KIAA0232: variants seen among roughly 807,000 people sequenced by gnomAD.
KIAA0232 encodes KIAA0232, also known as uncharacterized protein KIAA0232.
KIAA0232 carries 27 observed loss-of-function variants against 122.0 expected under a neutral mutation model. The observed-to-expected ratio is 0.22, with a 90% CI of 0.16 to 0.31. KIAA0232 has a LOEUF of 0.31. Ranked by LOEUF, KIAA0232 falls within the 10% of genes least tolerant of loss-of-function variation. The probability of loss-of-function intolerance (pLI) is 1.00; values close to 1 mark genes in which losing one functional copy is unlikely to be tolerated. For missense variants in KIAA0232, 1,551 were observed against 1,634.2 expected (o/e 0.95, Z 0.88); for synonymous variants, 613 against 587.6 (o/e 1.04, Z -0.63).
intron 2 of KIAA0232, among the ~76,000 whole-genome samples, chr4:6,811,923 T>C (rs1166247216): frequency 6.6e-6 from 1 of 152,158 alleles, no homozygotes; most frequent in Non-Finnish European, 1.5e-5. Context: ...AGGCTTTAGT[T>C]GTTCTTGTTA....
In KIAA0232 at chr4:6,855,597, A is replaced by C. The variant is rs1720530398; in HGVS notation, c.370-1567A>C. On this transcript the variant is annotated intron_variant, in intron 4 of 9. Coordinates refer to ENST00000307659, the MANE Select transcript of KIAA0232 (RefSeq NM_014743.3). The surrounding 1 kb of genome is among the most constrained non-coding windows in gnomAD (Gnocchi z 4.3). The stretch of plus-strand genomic sequence containing the variant: ...ATACATATTTACTCATATATTAATA[A>C]ATATATGTGTGTATATGTAATTAAT... 6.6e-6 allele frequency among the ~76,000 whole-genome samples: 1 copy of C among 152,134 alleles called. No homozygotes were observed. Among genetic ancestry groups the C allele is most frequent in the African/African-American group, 2.4e-5 (1 of 41,430 alleles).
chr4:6,807,578 C>T (rs917328601), intron 2 of KIAA0232, among the ~76,000 whole-genome samples: 4 of 152,166 alleles, frequency 2.6e-5, no homozygotes, highest in South Asian at 4.1e-4. Context: ...TCCATTTCTA[C>T]GTAGCTTTTC....
At chr4:6,853,034 A>G (rs1023335800) in intron 4 of KIAA0232, among the ~76,000 whole-genome samples, 1 of 152,200 alleles carries the variant, frequency 6.6e-6, no homozygotes, top group African/African-American at 2.4e-5. Context: ...GATTAAGTAG[A>G]CAGCTTCTGG....
chr4:6,792,664 A>G (rs1165904886), intron 1 of KIAA0232, among the ~76,000 whole-genome samples: 1 of 147,746 alleles, frequency 6.8e-6, no homozygotes, highest in African/African-American at 2.5e-5. Context: ...CTGCTGTTGT[A>G]GTCTTGATAG....
chr4:6,792,341 G>T (rs1025606293), intron 1 of KIAA0232, among the ~76,000 whole-genome samples: 2 of 152,008 alleles, frequency 1.3e-5, no homozygotes, highest in African/African-American at 4.8e-5. Flanking sequence ...TTGTACATAT[G>T]TCTTAGTGAA....
chr4:6,791,992 C>T (rs1278849617), intron 1 of KIAA0232, among the ~76,000 whole-genome samples: 1 of 152,150 alleles, frequency 6.6e-6, no homozygotes, highest in Non-Finnish European at 1.5e-5. Context: ...AGTTTCCCTG[C>T]ATAATCTCTC....
chr4:6,863,414 A>G lies in KIAA0232; in HGVS notation c.3032A>G (p.Lys1011Arg). The G allele has an allele frequency of 6.2e-7, 1 of 1,614,084 alleles. No homozygotes were observed. Among genetic ancestry groups the G allele is most frequent in the Non-Finnish European group, 8.5e-7 (1 of 1,180,020 alleles). Reference sequence around the variant, plus strand: ...AAGAGTGGGGAAAATGGGTTAAATAAGGGATTTTCTTTTATCTTCCATGAA... The same window carrying G: ...AAGAGTGGGGAAAATGGGTTAAATAGGGGATTTTCTTTTATCTTCCATGAA... ...QPKSGENGLN[K>R]GFSFIFHEDL... The change falls in exon 7 of 10, where the codon AAG becomes AGG. Residue 1011 changes from lysine (K) to arginine (R), a missense_variant. Coordinates refer to ENST00000307659, the MANE Select transcript of KIAA0232 (RefSeq NM_014743.3).
intron 3 of KIAA0232, among the ~76,000 whole-genome samples, chr4:6,825,328 AT>A (rs1469193419): frequency 2.0e-5 from 3 of 152,070 alleles, no homozygotes; most frequent in Non-Finnish European, 4.4e-5. Context: ...AGGCGGGAGG[AT>A]CCCTTTAAAC....
At chr4:6,875,021 C>T (rs1560212483) in intron 8 of KIAA0232, among the ~76,000 whole-genome samples, 1 of 152,210 alleles carries the variant, frequency 6.6e-6, no homozygotes, top group Non-Finnish European at 1.5e-5. Flanking sequence ...ACTCCATGCC[C>T]CTCAGCCAGT....
intron 3 of KIAA0232, among the ~76,000 whole-genome samples, chr4:6,829,025 T>C (rs1718835997): frequency 2.0e-5 from 3 of 151,978 alleles, no homozygotes. Flanking sequence ...TCGACTTTAA[T>C]GGCCACATCT....
chr4:6,828,997 C>G lies in KIAA0232; in HGVS notation c.231+4313C>G, dbSNP rs566944090. Among the ~76,000 whole-genome samples the G allele has an allele frequency of 4.0e-5, 6 of 151,876 alleles. No homozygotes were observed. The South Asian group carries it at 1.3e-3, about 32-fold the overall frequency. On this transcript the variant is annotated intron_variant, in intron 3 of 9. Coordinates refer to ENST00000307659, the MANE Select transcript of KIAA0232 (RefSeq NM_014743.3). ...TGCAGTTTTCTCCCTCATCTAGTAT[C>G]TAGTTTGAGATTATGCATCGACTTT...
At chr4:6,832,941 T>G (rs573890448) in intron 3 of KIAA0232, among the ~76,000 whole-genome samples, 2 of 152,336 alleles carry the variant, frequency 1.3e-5, no homozygotes, top group African/African-American at 2.4e-5. Flanking sequence ...ACTGGATTAT[T>G]ACATTATCTG....
At chr4:6,827,981 C>T (rs905224090) in intron 3 of KIAA0232, among the ~76,000 whole-genome samples, 1 of 151,950 alleles carries the variant, frequency 6.6e-6, no homozygotes, top group African/African-American at 2.4e-5. Flanking sequence ...GCTTTTCTCA[C>T]CCATCTTTCA....
intron 3 of KIAA0232, among the ~76,000 whole-genome samples, chr4:6,837,872 C>G (rs921497056): frequency 2.0e-5 from 3 of 151,738 alleles, no homozygotes; most frequent in Admixed American, 6.6e-5. Flanking sequence ...CAGCACAGTC[C>G]AGCCTTGGCT....
chr4:6,835,643 G>T (rs753486780), intron 3 of KIAA0232, among the ~76,000 whole-genome samples: 1 of 151,942 alleles, frequency 6.6e-6, no homozygotes, highest in East Asian at 1.9e-4. Flanking sequence ...ACAGGCCCCC[G>T]GTGTGTGATG....
At chr4:6,798,683 C>G (rs1433696497) in intron 1 of KIAA0232, among the ~76,000 whole-genome samples, 1 of 152,158 alleles carries the variant, frequency 6.6e-6, no homozygotes, top group African/African-American at 2.4e-5. Context: ...TTCTGAGTCT[C>G]TTGGACTATA....
chr4:6,845,980 C>A (rs943091428), intron 4 of KIAA0232, among the ~76,000 whole-genome samples: 1 of 151,904 alleles, frequency 6.6e-6, no homozygotes, highest in African/African-American at 2.4e-5. Context: ...ATCTTTGATT[C>A]TTTAGGTTAT....
chr4:6,841,927 G>T (rs527454089), intron 3 of KIAA0232, 140 bp from the exon 4 acceptor site: 1 of 924,558 alleles, frequency 1.1e-6, no homozygotes, highest in Non-Finnish European at 1.6e-6. Flanking sequence ...AGCTCCCTTC[G>T]TCGCAGAAAT....
At chr4:6,842,598 T>G (rs890877479) in intron 4 of KIAA0232, among the ~76,000 whole-genome samples, 3 of 151,806 alleles carry the variant, frequency 2.0e-5, no homozygotes, top group Non-Finnish European at 4.4e-5. Context: ...TTTTTTTTTT[T>G]TTTTTAAGAC....
Sources: gnomAD v4.1 joint callset for allele counts (sites outside exome capture counted in the v4.1 genomes callset) on GRCh38, gnomAD v4.1.1 for gene constraint, Gnocchi (gnomAD v3.1) non-coding constraint, MANE v1.5 for transcripts, NCBI Gene and HGNC (gene_info 2026-07-23, HGNC 2026-07-21) for gene names.